Variants in SDK1 observed in about 807,000 individuals in gnomAD.
The protein encoded by SDK1 is sidekick cell adhesion molecule 1.
SDK1 carries 157 observed loss-of-function variants against 245.5 expected under a neutral mutation model. That is an observed-to-expected ratio of 0.64 (90% CI 0.56 to 0.73). The LOEUF is 0.73. Among genes scored for constraint, SDK1 ranks in the 30% least tolerant of loss-of-function variants. SDK1 has a pLI of 0.00. For synonymous variants in SDK1, 1,647 were observed against 1,278.5 expected, an observed-to-expected ratio of 1.29 and a Z score of -6.15; for missense variants, 3,583 against 3,002.3, an observed-to-expected ratio of 1.19 and a Z score of -4.52.
intron 1 of SDK1, among the ~76,000 whole-genome samples, chr7:3,584,150 G>C (rs138146406): frequency 5.9e-5 from 9 of 152,276 alleles, no homozygotes; most frequent in African/African-American, 1.9e-4. Flanking sequence ...AAGATTCTGT[G>C]CTTATATGAA....
intron 35 of SDK1, among the ~76,000 whole-genome samples, chr7:4,182,871 G>A (rs1047860462): frequency 6.6e-5 from 10 of 152,190 alleles, no homozygotes; most frequent in African/African-American, 2.2e-4. Flanking sequence ...GAATGTAACC[G>A]CCCAGCAGGC....
intron 1 of SDK1, among the ~76,000 whole-genome samples, chr7:3,392,443 T>A (rs1781782411): frequency 6.6e-6 from 1 of 152,124 alleles, no homozygotes; most frequent in African/African-American, 2.4e-5. Flanking sequence ...TTTATGGTGG[T>A]AAAATATATA....
At chr7:3,309,355 G>T (rs868098254) in intron 1 of SDK1, among the ~76,000 whole-genome samples, 1 of 151,072 alleles carries the variant, frequency 6.6e-6, no homozygotes, top group South Asian at 2.1e-4. Flanking sequence ...TATAATCTGT[G>T]GTTTCCACAG....
chr7:3,731,723 G>A (rs192513259), intron 4 of SDK1, among the ~76,000 whole-genome samples: 1 of 152,248 alleles, frequency 6.6e-6, no homozygotes, highest in Non-Finnish European at 1.5e-5. Context: ...TGAATAAAAG[G>A]CATACAGATT....
chr7:4,083,121 C>G (rs1276080937), intron 22 of SDK1, among the ~76,000 whole-genome samples: 1 of 152,090 alleles, frequency 6.6e-6, no homozygotes, highest in Non-Finnish European at 1.5e-5. Context: ...CAGGTTTAAA[C>G]TGCATATATT....
chr7:3,593,000 A>G (rs1031060471), intron 1 of SDK1, among the ~76,000 whole-genome samples: 2 of 152,218 alleles, frequency 1.3e-5, no homozygotes, highest in Non-Finnish European at 2.9e-5. Flanking sequence ...ATCTGTGGAA[A>G]CGCATTGCTG....
intron 4 of SDK1, among the ~76,000 whole-genome samples, chr7:3,803,989 C>G (rs1007656741): frequency 1.3e-5 from 2 of 152,180 alleles, no homozygotes; most frequent in South Asian, 2.1e-4. Flanking sequence ...TGGTCTCGAT[C>G]TCCTGACCTC....
rs539869143 is a variant in SDK1, at chr7:4,098,852, T to G, written c.3325-11811T>G. On this transcript the variant is annotated intron_variant, in intron 22 of 44. Transcript: ENST00000404826. ...TTTTTTTTTTTTTTTTTTTTTTTTT[T>G]GGCAGAGATGGGGTCTCCCTATGTG... 3.2e-3 allele frequency among the ~76,000 whole-genome samples: 359 copies of G among 113,060 alleles called. 2 individuals are homozygous for G. Among genetic ancestry groups the G allele is most frequent in the South Asian group, 0.031 (100 of 3,210 alleles). The allele number at this position is 113,060 out of a possible 152,430, so 74.2% of individuals were successfully genotyped here. A position where few individuals can be genotyped will look rare whatever the true frequency, so the allele number is the denominator to read the frequency against.
intron 32 of SDK1, among the ~76,000 whole-genome samples, chr7:4,164,373 A>C (rs941675269): frequency 3.3e-5 from 5 of 152,254 alleles, no homozygotes; most frequent in African/African-American, 1.2e-4. Flanking sequence ...CAGGTCTCAC[A>C]CAACATCTCC....
At chr7:3,851,267 T>C (rs1562490035) in intron 5 of SDK1, among the ~76,000 whole-genome samples, 1 of 152,164 alleles carries the variant, frequency 6.6e-6, no homozygotes, top group Non-Finnish European at 1.5e-5. Flanking sequence ...AGACATGATA[T>C]AGTCTTTTTT....
At chr7:4,211,038 C>T (rs993463462) in intron 38 of SDK1, among the ~76,000 whole-genome samples, 14 of 152,066 alleles carry the variant, frequency 9.2e-5, no homozygotes, top group Non-Finnish European at 2.1e-4. Flanking sequence ...GAGTGGGGTG[C>T]AGGCACTGCA....
chr7:3,937,541 T>A (rs1254508144), intron 5 of SDK1, among the ~76,000 whole-genome samples: 1 of 152,162 alleles, frequency 6.6e-6, no homozygotes, highest in Non-Finnish European at 1.5e-5. Flanking sequence ...TCCGTTTGGA[T>A]CCCTCCATTC....
chr7:4,071,463 T>C (rs767743533), intron 20 of SDK1, among the ~76,000 whole-genome samples: 1 of 152,252 alleles, frequency 6.6e-6, no homozygotes, highest in Non-Finnish European at 1.5e-5. Flanking sequence ...ACACAATCTG[T>C]TGCACATTCT....
chr7:4,260,744 G>A (rs985097201), intron 44 of SDK1, among the ~76,000 whole-genome samples: 44 of 147,534 alleles, frequency 3.0e-4, no homozygotes, highest in African/African-American at 9.3e-4. Flanking sequence ...ATCGTCACCT[G>A]ATGGAGAAGC....
intron 14 of SDK1, among the ~76,000 whole-genome samples, chr7:3,999,365 C>G (rs1471709612): frequency 2.0e-5 from 3 of 152,084 alleles, no homozygotes; most frequent in African/African-American, 7.2e-5. Flanking sequence ...GCAAAGAACA[C>G]TCACAAAATT....
intron 5 of SDK1, among the ~76,000 whole-genome samples, chr7:3,925,311 C>T (rs114102098): frequency 0.025 from 3,736 of 152,196 alleles, 158 homozygotes; most frequent in African/African-American, 0.084. Context: ...TAAAAAGAAG[C>T]GAGGAGGAGA....
At chr7:4,100,985 C>T (rs572130838) in intron 22 of SDK1, among the ~76,000 whole-genome samples, 7 of 152,262 alleles carry the variant, frequency 4.6e-5, no homozygotes, top group South Asian at 4.1e-4. Flanking sequence ...GGGTGCGTGA[C>T]GGGGGAAGGG....
chr7:3,616,654 G>C (rs1781781794), intron 1 of SDK1, among the ~76,000 whole-genome samples: 1 of 152,160 alleles, frequency 6.6e-6, no homozygotes, highest in Non-Finnish European at 1.5e-5. Flanking sequence ...ATAAATACTT[G>C]TGAGAGGTTG....
chr7:3,944,350 T>A (rs1410931609), intron 5 of SDK1, among the ~76,000 whole-genome samples: 1 of 152,254 alleles, frequency 6.6e-6, no homozygotes, highest in Non-Finnish European at 1.5e-5. Flanking sequence ...CATGGCAGCT[T>A]GGCAAAATAG....
Sources: gnomAD v4.1 joint callset for allele counts (sites outside exome capture counted in the v4.1 genomes callset) on GRCh38, gnomAD v4.1.1 for gene constraint, MANE v1.5 for transcripts, NCBI Gene and HGNC (gene_info 2026-07-23, HGNC 2026-07-21) for gene names.